The following SORCS1 variants were observed in gnomAD, a reference collection of about 807,000 sequenced individuals.
The protein encoded by SORCS1 is sortilin related VPS10 domain containing receptor 1, also known as VPS10 domain-containing receptor SorCS1.
SORCS1 carries 60 observed loss-of-function variants against 146.1 expected under a neutral mutation model. That is an observed-to-expected ratio of 0.41 (90% CI 0.33 to 0.51). The LOEUF (loss-of-function observed/expected upper bound fraction) is 0.51. Among genes scored for constraint, SORCS1 ranks in the 20% least tolerant of loss-of-function variants. The pLI, the probability that SORCS1 is intolerant of heterozygous loss-of-function variation, is 0.21. For synonymous variants in SORCS1, 637 were observed against 584.0 expected (o/e 1.09, Z -1.31); for missense variants, 1,352 against 1,487.6 (o/e 0.91, Z 1.50).
At chr10:106,758,794 T>A (rs1215875179) in intron 5 of SORCS1, among the ~76,000 whole-genome samples, 1 of 152,126 alleles carries the variant, frequency 6.6e-6, no homozygotes, top group Non-Finnish European at 1.5e-5. Flanking sequence ...GAGACAGAGT[T>A]GAGATCCTGG....
chr10:107,070,052 A>C (rs1189639088), intron 1 of SORCS1, among the ~76,000 whole-genome samples: 1 of 152,230 alleles, frequency 6.6e-6, no homozygotes, highest in Non-Finnish European at 1.5e-5. Context: ...TCTACTCAGA[A>C]TATTTCATAT....
intron 25 of SORCS1, chr10:106,578,924 T>A (rs1844726386): frequency 7.0e-7 from 1 of 1,422,792 alleles, no homozygotes; most frequent in Admixed American, 2.9e-5. Flanking sequence ...TTTGTTTGTT[T>A]TTCCCCCATC....
intron 3 of SORCS1, among the ~76,000 whole-genome samples, chr10:106,797,727 T>C (rs951871538): frequency 6.6e-6 from 1 of 152,200 alleles, no homozygotes; most frequent in Non-Finnish European, 1.5e-5. Context: ...AATTTGCTTT[T>C]ACCACCTTCA....
At chr10:106,582,353 C>T (rs1184766467) in intron 24 of SORCS1, among the ~76,000 whole-genome samples, 1 of 152,148 alleles carries the variant, frequency 6.6e-6, no homozygotes, top group Non-Finnish European at 1.5e-5. Context: ...ATTCACCCTC[C>T]CCATCTCTGC....
intron 17 of SORCS1, among the ~76,000 whole-genome samples, chr10:106,661,881 A>C (rs1220977462): frequency 1.3e-5 from 2 of 152,240 alleles, no homozygotes; most frequent in African/African-American, 4.8e-5. Context: ...TTCCACCTTC[A>C]TGTCAAATGA....
chr10:106,803,498 G>A (rs943037167), intron 3 of SORCS1, among the ~76,000 whole-genome samples: 1 of 152,186 alleles, frequency 6.6e-6, no homozygotes, highest in South Asian at 2.1e-4. Context: ...ACATTTGAGT[G>A]ATTAGATTCT....
chr10:106,810,223 G>GA (rs141845402), intron 3 of SORCS1, among the ~76,000 whole-genome samples: 1,538 of 146,010 alleles, frequency 0.011, 8 homozygotes, highest in Non-Finnish European at 0.017. Context: ...TCCGTCTCAG[G>GA]AAAAAAAAAA....
chr10:106,768,554 T>G (rs906702670), intron 4 of SORCS1, among the ~76,000 whole-genome samples: 1 of 152,254 alleles, frequency 6.6e-6, no homozygotes, highest in Non-Finnish European at 1.5e-5. Flanking sequence ...ATAAATACTT[T>G]AATATTTAAT....
intron 1 of SORCS1, among the ~76,000 whole-genome samples, chr10:107,152,086 C>A (rs1037971180): frequency 6.6e-6 from 1 of 152,206 alleles, no homozygotes; most frequent in African/African-American, 2.4e-5. Flanking sequence ...TCAGCTCCAG[C>A]TGTGGCTAAA....
chr10:107,004,101 G>A (rs1282051036), intron 1 of SORCS1, among the ~76,000 whole-genome samples: 1 of 150,840 alleles, frequency 6.6e-6, no homozygotes, highest in Non-Finnish European at 1.5e-5. Context: ...GCGTGAACCC[G>A]GGAGGCGGAG....
At chr10:107,063,011 G>T (rs1156389351) in intron 1 of SORCS1, among the ~76,000 whole-genome samples, 1 of 152,148 alleles carries the variant, frequency 6.6e-6, no homozygotes, top group Non-Finnish European at 1.5e-5. Context: ...TCCTTGACTC[G>T]TAAGAACCTT....
At chr10:106,730,850 A>G (rs1740558309) in intron 5 of SORCS1, among the ~76,000 whole-genome samples, 1 of 152,178 alleles carries the variant, frequency 6.6e-6, no homozygotes, top group Non-Finnish European at 1.5e-5. Context: ...GATTAATTAA[A>G]CTTGGGAACA....
At chr10:106,909,094 C>T (rs943087494) in intron 2 of SORCS1, among the ~76,000 whole-genome samples, 6 of 152,202 alleles carry the variant, frequency 3.9e-5, no homozygotes, top group African/African-American at 1.2e-4. Flanking sequence ...GTTCCTTGCC[C>T]TCTCCACCCT....
chr10:106,672,519 G>A (rs1851684236), intron 15 of SORCS1, among the ~76,000 whole-genome samples: 1 of 152,130 alleles, frequency 6.6e-6, no homozygotes, highest in South Asian at 2.1e-4. Flanking sequence ...AGATAAAATT[G>A]AAGATATCTT....
chr10:106,723,106 A>G (rs569282985), intron 6 of SORCS1, among the ~76,000 whole-genome samples: 10 of 152,190 alleles, frequency 6.6e-5, no homozygotes, highest in Non-Finnish European at 1.2e-4. Flanking sequence ...GGATCGCTTG[A>G]GCCCAGGAGT....
intron 1 of SORCS1, among the ~76,000 whole-genome samples, chr10:107,112,751 A>G (rs929665523): frequency 1.3e-5 from 2 of 152,360 alleles, no homozygotes; most frequent in Admixed American, 1.3e-4. Context: ...ATCAGACAAC[A>G]TAGATTTTCA....
intron 1 of SORCS1, among the ~76,000 whole-genome samples, chr10:106,967,059 C>A (rs1405139471): frequency 6.6e-6 from 1 of 150,816 alleles, no homozygotes; most frequent in African/African-American, 2.4e-5. Flanking sequence ...ATAGGGGACA[C>A]ATTTAACCTT....
chr10:107,122,596 T>C (rs1043611186), intron 1 of SORCS1, among the ~76,000 whole-genome samples: 1 of 152,202 alleles, frequency 6.6e-6, no homozygotes, highest in African/African-American at 2.4e-5. Context: ...ATGGATAAAA[T>C]AGCTTTTTAA....
At chr10:106,654,760 A>AG (rs1171294154) in intron 17 of SORCS1, among the ~76,000 whole-genome samples, 1 of 152,158 alleles carries the variant, frequency 6.6e-6, no homozygotes, top group East Asian at 1.9e-4. Context: ...CTAGCCTATG[A>AG]GGGGGTCACC....
Sources: allele counts gnomAD v4.1 joint callset (sites outside exome capture counted in the v4.1 genomes callset), GRCh38; gene constraint gnomAD v4.1.1; transcripts MANE v1.5; gene names NCBI Gene and HGNC (gene_info 2026-07-23, HGNC 2026-07-21).